ARHGAP15: variants seen among roughly 807,000 people sequenced by gnomAD.
ARHGAP15 encodes the protein Rho GTPase activating protein 15.
Under a neutral mutation model 63.7 loss-of-function variants are expected in ARHGAP15, and 51 were observed. The ratio of observed to expected loss-of-function variants is 0.80; its 90% CI spans 0.64 to 1.01. The LOEUF is 1.01. Among genes scored for constraint, ARHGAP15 ranks in the 50% least tolerant of loss-of-function variants. The probability of loss-of-function intolerance (pLI) is 0.00; values close to 1 mark genes in which losing one functional copy is unlikely to be tolerated. For missense variants in ARHGAP15, 560 were observed against 564.6 expected, an observed-to-expected ratio of 0.99 and a Z score of 0.08; for synonymous variants, 191 against 193.8, an observed-to-expected ratio of 0.99 and a Z score of 0.12.
At chr2:143,276,964 A>G (rs971340607) in intron 6 of ARHGAP15, among the ~76,000 whole-genome samples, 7 of 152,128 alleles carry the variant, frequency 4.6e-5, no homozygotes, top group Non-Finnish European at 7.4e-5. Context: ...GTGATTTAGA[A>G]ATTGCATCGT....
rs372870222 is a variant in ARHGAP15, at chr2:143,216,444, A to G, written c.295A>G (p.Arg99Gly). The G allele has an allele frequency of 1.3e-6, 2 of 1,599,278 alleles. No individual in the cohort carries two copies. Among genetic ancestry groups the G allele is most frequent in the Non-Finnish European group, 1.7e-6 (2 of 1,170,472 alleles). ...AATTGCAGATGGAGGAAAGAAACTA[A>G]GGTAATAAAATTCTTTAATTCACTT... ...AKIADGGKKL[R>G]KNWSTSWIVL... Residue 99 changes from arginine (R) to glycine (G), a missense_variant and splice_region_variant, in exon 4 of 14, where the codon AGG becomes GGG. Physicochemically the swap from Arg to Gly is moderately radical, Grantham distance 125 (BLOSUM62 -2). Coordinates refer to ENST00000295095, the MANE Select transcript of ARHGAP15 (RefSeq NM_018460.4).
chr2:143,436,141 T>A (rs1689602946), intron 7 of ARHGAP15, among the ~76,000 whole-genome samples: 1 of 152,170 alleles, frequency 6.6e-6, no homozygotes, highest in Admixed American at 6.5e-5. Context: ...AGCTAGATTG[T>A]TCTTCTTATG....
chr2:143,379,030 G>A (rs4662326), intron 6 of ARHGAP15, among the ~76,000 whole-genome samples: 3,932 of 151,798 alleles, frequency 0.026, 66 homozygotes, highest in Middle Eastern at 0.048. Context: ...GAACCATGAA[G>A]TTTTAAATGG....
chr2:143,700,259 C>G (rs1684025947), intron 12 of ARHGAP15, among the ~76,000 whole-genome samples: 1 of 152,144 alleles, frequency 6.6e-6, no homozygotes, highest in Non-Finnish European at 1.5e-5. Context: ...TGTCTTAATT[C>G]CTGCCCAAAC....
chr2:143,528,576 C>T (rs1042082485), intron 10 of ARHGAP15, among the ~76,000 whole-genome samples: 58 of 151,842 alleles, frequency 3.8e-4, no homozygotes, highest in African/African-American at 1.4e-3. Flanking sequence ...AATTTACTTC[C>T]TAGCAGAAAA....
intron 6 of ARHGAP15, among the ~76,000 whole-genome samples, chr2:143,378,440 C>T (rs113207533): frequency 4.0e-5 from 6 of 151,892 alleles, no homozygotes; most frequent in African/African-American, 1.4e-4. Flanking sequence ...GTTATCTATC[C>T]AAAATAGTAA....
chr2:143,739,549 C>G (rs911511386), intron 13 of ARHGAP15, among the ~76,000 whole-genome samples: 7 of 152,144 alleles, frequency 4.6e-5, no homozygotes, highest in African/African-American at 1.7e-4. Context: ...TTGCTCAAAG[C>G]TCCAACTCTT....
chr2:143,227,626 G>A (rs754792646), intron 4 of ARHGAP15, among the ~76,000 whole-genome samples: 7 of 152,092 alleles, frequency 4.6e-5, no homozygotes, highest in South Asian at 2.1e-4. Context: ...AGCACAGCAC[G>A]GTTATAAACT....
rs778548754 is a variant in ARHGAP15 at position 143,768,006 on chromosome 2, C to T, written c.1262C>T (p.Ser421Phe). 3.1e-5 allele frequency: 50 copies of T among 1,613,368 alleles called. No individual in the cohort carries two copies. The highest frequency in any genetic ancestry group is 4.2e-5 in the Non-Finnish European group (50 of 1,179,670). ...CTCCACAGGATAGTGGCCAAAGCCT[C>T]CAAGAACCTCATGTCCACGCAAAGC... ...GHLTKIVAKA[S>F]KNLMSTQSLG... The change falls in exon 14 of 14, where the codon TCC becomes TTC. Residue 421 changes from serine to phenylalanine, a missense_variant. Transcript: ENST00000295095.
At chr2:143,300,641 C>T (rs562902590) in intron 6 of ARHGAP15, among the ~76,000 whole-genome samples, 1 of 152,146 alleles carries the variant, frequency 6.6e-6, no homozygotes, top group African/African-American at 2.4e-5. Flanking sequence ...CCTCCTGAGG[C>T]CTCATCCTTT....
intron 12 of ARHGAP15, among the ~76,000 whole-genome samples, chr2:143,643,374 CTG>C (rs1680702078): frequency 6.6e-6 from 1 of 151,794 alleles, no homozygotes; most frequent in Non-Finnish European, 1.5e-5. Context: ...ACATGTGAAT[CTG>C]TGTATTTTCT....
chr2:143,178,152 C>A (rs1473497413), intron 2 of ARHGAP15, among the ~76,000 whole-genome samples: 1 of 152,148 alleles, frequency 6.6e-6, no homozygotes, highest in Admixed American at 6.5e-5. Context: ...GAGATGCCAG[C>A]CTACTTCAAG....
chr2:143,352,907 C>T (rs1685633453), intron 6 of ARHGAP15, among the ~76,000 whole-genome samples: 1 of 152,092 alleles, frequency 6.6e-6, no homozygotes, highest in South Asian at 2.1e-4. Context: ...AAAAAGTGTA[C>T]AATCTTTGAA....
chr2:143,257,345 T>A (rs534668717), intron 6 of ARHGAP15, among the ~76,000 whole-genome samples: 15 of 152,244 alleles, frequency 9.9e-5, no homozygotes, highest in African/African-American at 3.6e-4. Flanking sequence ...AACCAAAATT[T>A]TGTAATTCCA....
chr2:143,757,360 A>C (rs1421140270), intron 13 of ARHGAP15, among the ~76,000 whole-genome samples: 1 of 151,970 alleles, frequency 6.6e-6, no homozygotes, highest in East Asian at 1.9e-4. Flanking sequence ...AAATACAAAA[A>C]ATTAGCCAGG....
At chr2:143,668,860 A>G (rs983591147) in intron 12 of ARHGAP15, among the ~76,000 whole-genome samples, 1 of 152,214 alleles carries the variant, frequency 6.6e-6, no homozygotes, top group Non-Finnish European at 1.5e-5. Context: ...TCTGATTTAT[A>G]CCACAAAATT....
intron 6 of ARHGAP15, among the ~76,000 whole-genome samples, chr2:143,322,888 A>G (rs1421728042): frequency 6.6e-6 from 1 of 152,240 alleles, no homozygotes; most frequent in Non-Finnish European, 1.5e-5. Context: ...TTGCAATGAT[A>G]TGAACTTAAT....
intron 6 of ARHGAP15, among the ~76,000 whole-genome samples, chr2:143,428,614 A>G (rs991726440): frequency 2.0e-5 from 3 of 152,130 alleles, no homozygotes; most frequent in Admixed American, 6.6e-5. Flanking sequence ...AATAATATAC[A>G]TGATATTTTC....
chr2:143,448,624 A>AC (rs1358865156), intron 8 of ARHGAP15, among the ~76,000 whole-genome samples: 2 of 151,960 alleles, frequency 1.3e-5, no homozygotes, highest in Non-Finnish European at 2.9e-5. Context: ...GCTCCCAAAT[A>AC]CCCATTGCCT....
Sources: gnomAD v4.1 joint callset for allele counts (sites outside exome capture counted in the v4.1 genomes callset) on GRCh38, gnomAD v4.1.1 for gene constraint, MANE v1.5 for transcripts, NCBI Gene and HGNC (gene_info 2026-07-23, HGNC 2026-07-21) for gene names.